The following SHARPIN variants were observed in gnomAD, a reference collection of about 807,000 sequenced individuals.
SHARPIN encodes SHANK associated RH domain interactor, also known as hSIPL1.
A neutral mutation model predicts 40.3 loss-of-function variants in SHARPIN; 25 were observed. The observed-to-expected ratio is 0.62, with a 90% CI of 0.45 to 0.87. The LOEUF (loss-of-function observed/expected upper bound fraction) is 0.87, where lower values mean the gene tolerates loss of function less well. SHARPIN is among the 40% of genes least tolerant of loss of function. The pLI is 0.00. For synonymous variants in SHARPIN, 274 were observed against 221.8 expected (o/e 1.24, Z -2.09); for missense variants, 551 against 516.1 (o/e 1.07, Z -0.66).
Position 144,103,274 on chromosome 8 carries a change from G to A in SHARPIN, c.202-49C>T, listed in dbSNP as rs547991453. On this transcript the variant is annotated intron_variant, in intron 1 of 8. Coordinates refer to ENST00000398712, the MANE Select transcript of SHARPIN (RefSeq NM_030974.4). The stretch of plus-strand genomic sequence containing the variant: ...TCAGGGCGTCCCCCCGCCCTACATC[G>A]CACGAGGAGCAAAGAAATACAAGGT... 4 of 1,537,724 alleles carry A rather than the reference G, an allele frequency of 2.6e-6. No individual in the cohort carries two copies. In the South Asian group the frequency reaches 3.7e-5, roughly 14 times the overall value.
Position 144,098,924 on chromosome 8 carries a change from G to A in SHARPIN, c.1118C>T (p.Thr373Ile). ...GGGGTCCCAAGTGCAGGGCCTCTGG[G>A]TGCTACACATCTCACAGCCAGGGCG... ...PDRPGCEMCS[T>I]QRPCTWDPLA... The change falls in exon 8 of 9, where the codon ACC becomes ATC. Residue 373 changes from threonine (T) to isoleucine (I), a missense_variant. Thr to Ile is a moderately conservative substitution (Grantham distance 89). Coordinates refer to ENST00000398712, the MANE Select transcript of SHARPIN (RefSeq NM_030974.4). 2 of 1,594,960 alleles carry A rather than the reference G, an allele frequency of 1.3e-6. No individual in the cohort carries two copies. Among genetic ancestry groups the A allele is most frequent in the South Asian group, 2.3e-5 (2 of 88,042 alleles).
rs1836242644 is a variant in SHARPIN, at chr8:144,099,545, G to A, written c.733C>T (p.His245Tyr). The A allele has an allele frequency of 2.5e-6, 4 of 1,614,068 alleles. No homozygotes were observed. The South Asian group carries it at 3.3e-5, about 13-fold the overall frequency. ...AGAGCTGCAACAGTGCAGTGGGGGT[G>A]GACCTGCAGGGCAACGTGTGCAGAG... ...ASSAHVALQV[H>Y]PHCTVAALQE... is the part of the protein sequence containing the mutation. Residue 245 changes from histidine to tyrosine, a missense_variant, in exon 5 of 9, where the codon CAC (histidine) becomes TAC (tyrosine). His to Tyr is a moderately conservative substitution (Grantham distance 83). Coordinates refer to ENST00000398712, the MANE Select transcript of SHARPIN (RefSeq NM_030974.4).
chr8:144,103,517 A>G, intron 1 of SHARPIN, 36 bp downstream of exon 1: 1 of 1,526,800 alleles, frequency 6.5e-7, no homozygotes, highest in Non-Finnish European at 8.8e-7. Context: ...TGCCCGGGCC[A>G]AGAGGACTGA....
Position 144,098,685 on chromosome 8 carries a change from ACCCTGGTGACTGT to A in SHARPIN, c.*103_*115del. The A allele has an allele frequency of 1.0e-5, 5 of 498,948 alleles. No individual in the cohort carries two copies. The South Asian group carries it at 1.4e-4, about 14-fold the overall frequency. The allele number at this position is 498,948 out of a possible 1,614,324, so 30.9% of individuals were successfully genotyped here. ...TTTCATTTTGTGGCCCTTCCCCCCA[ACCCTGGTGACTGT>A]CCCAGCAAGCAGTCAGTAGAGGTCC... On this transcript the variant is annotated 3_prime_UTR_variant, in exon 9 of 9. Transcript: ENST00000398712.
In SHARPIN at chr8:144,103,192, A is replaced by G; in HGVS notation, c.235T>C (p.Tyr79His). The change falls in exon 2 of 9, where the codon TAC becomes CAC. Residue 79 changes from tyrosine (Y) to histidine (H), a missense_variant. Tyr to His is a moderately conservative substitution (Grantham distance 83). Transcript: ENST00000398712. ...NLEWPLESVS[Y>H]TIRGPTQHEL... ...TGCTGGGTGGGGCCTCGGATGGTGT[A>G]GGAAACTGACTCCAGGGGCCACTCC... 1 of 1,612,678 alleles carries G rather than the reference A, an allele frequency of 6.2e-7. No homozygotes were observed. Among genetic ancestry groups the G allele is most frequent in the Non-Finnish European group, 8.5e-7 (1 of 1,179,562 alleles).
Position 144,099,114 on chromosome 8 carries a change from C to T in SHARPIN, c.1014G>A (p.Gln338=), listed in dbSNP as rs2129979504. 1 of 1,583,656 alleles carries T rather than the reference C, an allele frequency of 6.3e-7. No individual in the cohort carries two copies. Among genetic ancestry groups the T allele is most frequent in the Non-Finnish European group, 8.6e-7 (1 of 1,166,092 alleles). ...GACTGGGCAGGCTGGAGGCAGCTGG[C>T]TGGGGGCCTGGGGGTAGCCCCAATG... ...PPSLGLPPGP[Q]PAASSLPSPL... The change falls in exon 7 of 9, where the codon CAG becomes CAA. Residue 338 remains glutamine (Q), a synonymous_variant. Transcript: ENST00000398712.
intron 2 of SHARPIN, among the ~76,000 whole-genome samples, chr8:144,101,575 ATTTTTTTTTTTT>A (rs58173496): frequency 1.1e-5 from 1 of 87,530 alleles, no homozygotes; most frequent in Non-Finnish European, 2.2e-5. Context: ...CACCCAGCTA[ATTTTTTTTTTTT>A]TTTTTTTTTT....
intron 1 of SHARPIN, 129 bp from the exon 2 acceptor site, chr8:144,103,354 C>T (rs896472942): frequency 8.6e-7 from 1 of 1,162,328 alleles, no homozygotes; most frequent in Non-Finnish European, 1.2e-6. Flanking sequence ...TCATCAAATC[C>T]TCACAATAGC....
chr8:144,103,632 A>T lies in SHARPIN; in HGVS notation c.122T>A (p.Leu41Gln). Residue 41 changes from leucine to glutamine, a missense_variant, in exon 1 of 9, where the codon CTG becomes CAG. By Grantham distance (113) the Leu-to-Gln change is moderately radical. Coordinates refer to ENST00000398712, the MANE Select transcript of SHARPIN (RefSeq NM_030974.4). ...GTCCGCGCTCAGCTGCAGCCTCCGCAGCTGTGCCTCGGCGTCTGGCCCGGC... is the reference window on the plus strand; with the variant it reads ...GTCCGCGCTCAGCTGCAGCCTCCGCTGCTGTGCCTCGGCGTCTGGCCCGGC... ...LGAGPDAEAQ[L>Q]RRLQLSADPE... is the part of the protein sequence containing the mutation. The T allele has an allele frequency of 6.5e-7, 1 of 1,527,010 alleles. No homozygotes were observed. The highest frequency in any genetic ancestry group is 8.7e-7 in the Non-Finnish European group (1 of 1,143,546). 94.6% of individuals were successfully genotyped at this position (1,527,010 alleles called of 1,614,324 possible).
chr8:144,103,718 G>T lies in SHARPIN; in HGVS notation c.36C>A (p.Ala12=). ...APPAGGAAAA[A]SDLGSAAVLL... ...GCACTGCGGCGGAGCCCAAGTCCGA[G>T]GCCGCCGCCGCCGCCCCGCCCGCTG... The change falls in exon 1 of 9, where the codon GCC becomes GCA. Residue 12 remains alanine, a synonymous_variant. Transcript: ENST00000398712. 7.1e-7 allele frequency: 1 copy of T among 1,406,856 alleles called. No individual in the cohort carries two copies. The highest frequency in any genetic ancestry group is 9.2e-7 in the Non-Finnish European group (1 of 1,086,546). 87.1% of individuals were successfully genotyped at this position (1,406,856 alleles called of 1,614,324 possible).
chr8:144,101,909 CT>C (rs1328552925), intron 2 of SHARPIN, among the ~76,000 whole-genome samples: 1 of 152,116 alleles, frequency 6.6e-6, no homozygotes, highest in Non-Finnish European at 1.5e-5. Flanking sequence ...AGCTTAGCTC[CT>C]TTTATAAACC....
At position 144,099,418 on chromosome 8, in the gene SHARPIN, G is replaced by T. The variant is rs1250103056; in HGVS notation, c.781C>A (p.Leu261Ile). The T allele has an allele frequency of 6.2e-7, 1 of 1,612,066 alleles. No individual in the cohort carries two copies. The highest frequency in any genetic ancestry group is 2.2e-5 in the East Asian group (1 of 44,882). Reference sequence around the variant, plus strand: ...CGTTGCACGGCTGGCGGGAAACCGAGCTCTGAGAACACCTGTGGCCAGAGC... The same window carrying T: ...CGTTGCACGGCTGGCGGGAAACCGATCTCTGAGAACACCTGTGGCCAGAGC... ...AALQEQVFSE[L>I]GFPPAVQRWV... The change falls in exon 6 of 9, where the codon CTC (leucine) becomes ATC (isoleucine). Residue 261 changes from leucine (L) to isoleucine (I), a missense_variant. Leu to Ile is a conservative substitution (Grantham distance 5, BLOSUM62 2). Coordinates refer to ENST00000398712, the MANE Select transcript of SHARPIN (RefSeq NM_030974.4).
Position 144,099,385 on chromosome 8 carries a change from T to C in SHARPIN, c.814A>G (p.Ile272Val), listed in dbSNP as rs1587609293. ...TCAGGCACACACAGGCACCGTCCGA[T>C]GACCCAGCGTTGCACGGCTGGCGGG... ...GFPPAVQRWV[I>V]GRCLCVPERS... The change falls in exon 6 of 9, where the codon ATC (isoleucine) becomes GTC (valine). Residue 272 changes from isoleucine (I) to valine (V), a missense_variant. By Grantham distance (29) the Ile-to-Val change is conservative. Coordinates refer to ENST00000398712, the MANE Select transcript of SHARPIN (RefSeq NM_030974.4). 2 of 1,613,690 alleles carry C rather than the reference T, an allele frequency of 1.2e-6. No individual in the cohort carries two copies. Among genetic ancestry groups the C allele is most frequent in the East Asian group, 2.2e-5 (1 of 44,878 alleles).
chr8:144,098,932 C>T lies in SHARPIN; in HGVS notation c.1110G>A (p.Met370Ile), dbSNP rs539568406. 27 of 1,594,022 alleles carry T rather than the reference C, an allele frequency of 1.7e-5. No individual in the cohort carries two copies. The highest frequency in any genetic ancestry group is 1.5e-4 in the South Asian group (13 of 87,880). Residue 370 changes from methionine (M) to isoleucine (I), a missense_variant, in exon 8 of 9, where the codon ATG (methionine) becomes ATA (isoleucine). Physicochemically the swap from Met to Ile is conservative, Grantham distance 10 (BLOSUM62 1). Coordinates refer to ENST00000398712, the MANE Select transcript of SHARPIN (RefSeq NM_030974.4). ...INAPDRPGCE[M>I]CSTQRPCTWD... Reference sequence around the variant, plus strand: ...AAGTGCAGGGCCTCTGGGTGCTACACATCTCACAGCCAGGGCGGTCTGGGG... The same window carrying T: ...AAGTGCAGGGCCTCTGGGTGCTACATATCTCACAGCCAGGGCGGTCTGGGG...
chr8:144,100,293 G>T (rs1836264412), intron 2 of SHARPIN, among the ~76,000 whole-genome samples: 1 of 152,242 alleles, frequency 6.6e-6, no homozygotes, highest in African/African-American at 2.4e-5. Flanking sequence ...TCATATTTGG[G>T]AATTAGAGCC....
Position 144,098,955 on chromosome 8 carries a change from G to A in SHARPIN, c.1087C>T (p.Pro363Ser), listed in dbSNP as rs746918471. The change falls in exon 8 of 9, where the codon CCA becomes TCA. Residue 363 changes from proline to serine, a missense_variant. Pro to Ser is a moderately conservative substitution (Grantham distance 74). Transcript: ENST00000398712. ...SCPSCTFINA[P>S]DRPGCEMCST... ...CACATCTCACAGCCAGGGCGGTCTGGGGCATTGATGAAGGTGCAGGAAGGA... is the reference window on the plus strand; with the variant it reads ...CACATCTCACAGCCAGGGCGGTCTGAGGCATTGATGAAGGTGCAGGAAGGA... The A allele has an allele frequency of 1.3e-6, 2 of 1,596,192 alleles. No homozygotes were observed. The highest frequency in any genetic ancestry group is 4.5e-5 in the East Asian group (2 of 44,756).
chr8:144,099,790 GC>G lies in SHARPIN; in HGVS notation c.571del (p.Ala191GlnfsTer15). The G allele has an allele frequency of 6.2e-7, 1 of 1,612,906 alleles. No homozygotes were observed. Among genetic ancestry groups the G allele is most frequent in the Non-Finnish European group, 8.5e-7 (1 of 1,179,992 alleles). ...RAIAGGDEKG[A>X]AQVAAVLAQH... Reference sequence around the variant, plus strand: ...GGCCAGGACGGCTGCCACTTGGGCTGCCCCCTTCTCGTCTCCACCTGCAATA... The same window carrying G: ...GGCCAGGACGGCTGCCACTTGGGCTGCCCCTTCTCGTCTCCACCTGCAATA... On this transcript the variant is annotated frameshift_variant, in exon 4 of 9. Coordinates refer to ENST00000398712, the MANE Select transcript of SHARPIN (RefSeq NM_030974.4). LOFTEE classifies it high-confidence loss of function.
Position 144,099,333 on chromosome 8 carries a change from C to T in SHARPIN, c.866G>A (p.Arg289Gln), listed in dbSNP as rs746401235. Residue 289 changes from arginine (R) to glutamine (Q), a missense_variant, in exon 6 of 9, where the codon CGG becomes CAG. Transcript: ENST00000398712. ...GAGGAAAGCAGGGTCCCCATCCTGC[C>T]GAACCCCGTAAGAGGCAAGGCTGCG... ...PERSLASYGV[R>Q]QDGDPAFLYL... 15 of 1,614,000 alleles carry T rather than the reference C, an allele frequency of 9.3e-6. No homozygotes were observed. The highest frequency in any genetic ancestry group is 2.2e-5 in the East Asian group (1 of 44,896).
rs116004300 is a variant in SHARPIN, at chr8:144,102,055, C to T, written c.376+996G>A. Among the ~76,000 whole-genome samples the T allele has an allele frequency of 3.5e-3, 532 of 152,258 alleles. 3 individuals are homozygous for T. The highest frequency in any genetic ancestry group is 0.012 in the African/African-American group (500 of 41,556). On this transcript the variant is annotated intron_variant, in intron 2 of 8. Coordinates refer to ENST00000398712, the MANE Select transcript of SHARPIN (RefSeq NM_030974.4). ...CCTAGTCCTTCATGTTTCTCAGTCT[C>T]AACTGCTAACTCTTCCATTTAAGCA...
Sources: gnomAD v4.1 joint callset for allele counts (sites outside exome capture counted in the v4.1 genomes callset) on GRCh38, gnomAD v4.1.1 for gene constraint, MANE v1.5 for transcripts, NCBI Gene and HGNC (gene_info 2026-07-23, HGNC 2026-07-21) for gene names.